SHISA6: variants seen among roughly 807,000 people sequenced by gnomAD.
SHISA6 encodes protein shisa-6.
A neutral mutation model predicts 47.9 loss-of-function variants in SHISA6; 22 were observed. The observed-to-expected ratio is 0.46, with a 90% CI of 0.33 to 0.66. SHISA6 has a LOEUF of 0.66. Ranked by LOEUF, SHISA6 falls within the 30% of genes least tolerant of loss-of-function variation. SHISA6 has a pLI of 0.02. For missense variants in SHISA6, 680 were observed against 764.6 expected, an observed-to-expected ratio of 0.89 and a Z score of 1.30; for synonymous variants, 388 against 337.8, an observed-to-expected ratio of 1.15 and a Z score of -1.63.
intron 3 of SHISA6, among the ~76,000 whole-genome samples, chr17:11,490,018 A>G (rs1427915262): frequency 6.6e-6 from 1 of 152,152 alleles, no homozygotes; most frequent in African/African-American, 2.4e-5. Flanking sequence ...GTCCTCAGCT[A>G]CAGGCAAATG....
chr17:11,317,149 T>C (rs1008823966), intron 2 of SHISA6, among the ~76,000 whole-genome samples: 8 of 152,150 alleles, frequency 5.3e-5, no homozygotes, highest in Non-Finnish European at 1.2e-4. Flanking sequence ...AATTTATATA[T>C]CTTATTTACT....
chr17:11,269,918 C>T (rs1908577035), intron 2 of SHISA6, among the ~76,000 whole-genome samples: 1 of 152,214 alleles, frequency 6.6e-6, no homozygotes, highest in Non-Finnish European at 1.5e-5. Flanking sequence ...TTCCTAGCCA[C>T]ATGCGACTGT....
chr17:11,494,754 G>A (rs1567620868), intron 3 of SHISA6, among the ~76,000 whole-genome samples: 1 of 152,200 alleles, frequency 6.6e-6, no homozygotes, highest in Non-Finnish European at 1.5e-5. Context: ...CTACCCAGGT[G>A]ATGGGTTAAC....
At chr17:11,341,991 C>T (rs78264921) in intron 2 of SHISA6, among the ~76,000 whole-genome samples, 12,892 of 152,136 alleles carry the variant, frequency 0.085, 849 homozygotes, top group East Asian at 0.23. Context: ...CCTCTCTGCA[C>T]CTCCCCATCC....
chr17:11,389,837 C>T (rs1158630225), intron 3 of SHISA6, among the ~76,000 whole-genome samples: 3 of 152,328 alleles, frequency 2.0e-5, no homozygotes, highest in Non-Finnish European at 1.5e-5. Flanking sequence ...TTGCTTCCCT[C>T]ATTCTCTACT....
chr17:11,310,265 A>C (rs914371952), intron 2 of SHISA6, among the ~76,000 whole-genome samples: 1 of 152,228 alleles, frequency 6.6e-6, no homozygotes, highest in Non-Finnish European at 1.5e-5. Context: ...CAGAATGAGC[A>C]AAATCTGTTT....
At chr17:11,556,778 C>T (rs1042020322) in intron 5 of SHISA6, among the ~76,000 whole-genome samples, 2 of 152,138 alleles carry the variant, frequency 1.3e-5, no homozygotes, top group Admixed American at 6.5e-5. Context: ...GACCCCGCTG[C>T]ACCAACTGAA....
At chr17:11,363,992 T>G (rs965656525) in intron 2 of SHISA6, among the ~76,000 whole-genome samples, 1 of 152,204 alleles carries the variant, frequency 6.6e-6, no homozygotes, top group Non-Finnish European at 1.5e-5. Context: ...GCTGGAGCAC[T>G]GCCACCTCAA....
chr17:11,353,192 C>A (rs1299359742), intron 2 of SHISA6, among the ~76,000 whole-genome samples: 2 of 152,306 alleles, frequency 1.3e-5, no homozygotes, highest in African/African-American at 4.8e-5. Flanking sequence ...GGCACGGTGG[C>A]TTACACCTGT....
At chr17:11,384,862 A>G (rs986430819) in intron 3 of SHISA6, among the ~76,000 whole-genome samples, 5 of 152,170 alleles carry the variant, frequency 3.3e-5, no homozygotes, top group Non-Finnish European at 7.4e-5. Flanking sequence ...GGGAGAGAGA[A>G]AGAGAAATTT....
chr17:11,285,472 G>A (rs559330328), intron 2 of SHISA6, among the ~76,000 whole-genome samples: 15 of 152,196 alleles, frequency 9.9e-5, no homozygotes, highest in Non-Finnish European at 1.8e-4. Context: ...AGGGGAGAAG[G>A]GGTGTCATTT....
intron 2 of SHISA6, among the ~76,000 whole-genome samples, chr17:11,298,416 G>A (rs1032462918): frequency 1.3e-5 from 2 of 152,252 alleles, no homozygotes; most frequent in Non-Finnish European, 2.9e-5. Context: ...TTCAGCTGCT[G>A]AGTGCAAGTG....
chr17:11,471,547 A>G lies in SHISA6; in HGVS notation c.896-80349A>G, dbSNP rs535231997. Among the ~76,000 whole-genome samples the G allele has an allele frequency of 2.2e-4, 33 of 152,316 alleles. No individual in the cohort carries two copies. The South Asian group carries it at 6.4e-3, about 30-fold the overall frequency. ...AGCTTCCTCTCATCTTTCATGTGTC[A>G]GATCAAATGTCATCTGCTCAGAGGA... On this transcript the variant is annotated intron_variant, in intron 3 of 5. Coordinates refer to ENST00000441885, the MANE Select transcript of SHISA6 (RefSeq NM_207386.4).
intron 3 of SHISA6, among the ~76,000 whole-genome samples, chr17:11,385,388 C>T (rs1913159221): frequency 6.6e-6 from 1 of 151,934 alleles, no homozygotes; most frequent in South Asian, 2.1e-4. Context: ...GGAATTGACC[C>T]CACAGGGCCC....
chr17:11,344,022 G>T (rs1911618577), intron 2 of SHISA6, among the ~76,000 whole-genome samples: 1 of 152,154 alleles, frequency 6.6e-6, no homozygotes, highest in Non-Finnish European at 1.5e-5. Context: ...AGTCATCCTA[G>T]TGGGCGTAAA....
intron 2 of SHISA6, among the ~76,000 whole-genome samples, chr17:11,325,500 G>A (rs896433244): frequency 1.3e-5 from 2 of 152,102 alleles, no homozygotes; most frequent in Non-Finnish European, 2.9e-5. Flanking sequence ...AGGTGAAAGC[G>A]AGCTTTACAA....
chr17:11,526,900 T>TATATATATATATATATATATAC (rs1567629831), intron 3 of SHISA6, among the ~76,000 whole-genome samples: 2 of 18,772 alleles, frequency 1.1e-4, no homozygotes, highest in African/African-American at 2.6e-4. Flanking sequence ...TATATATATA[T>TATATATATATATATATATATAC]ATATATATAT....
chr17:11,519,589 C>A (rs1280450521), intron 3 of SHISA6, among the ~76,000 whole-genome samples: 1 of 152,062 alleles, frequency 6.6e-6, no homozygotes, highest in Non-Finnish European at 1.5e-5. Flanking sequence ...AGGACAACTA[C>A]GAACGTACTT....
chr17:11,329,112 G>T (rs117890308), intron 2 of SHISA6, among the ~76,000 whole-genome samples: 3 of 152,210 alleles, frequency 2.0e-5, no homozygotes, highest in Non-Finnish European at 4.4e-5. Flanking sequence ...GATTGCAATT[G>T]CCTGTATTCA....
Sources: gnomAD v4.1 joint callset for allele counts (sites outside exome capture counted in the v4.1 genomes callset) on GRCh38, gnomAD v4.1.1 for gene constraint, MANE v1.5 for transcripts, NCBI Gene and HGNC (gene_info 2026-07-23, HGNC 2026-07-21) for gene names.